Variants in PLCB1 observed in about 807,000 individuals in gnomAD.
PLCB1 encodes phospholipase C beta 1, also known as 1-phosphatidylinositol 4,5-bisphosphate phosphodiesterase beta-1.
A neutral mutation model predicts 161.8 loss-of-function variants in PLCB1; 46 were observed. The observed-to-expected ratio is 0.28, with a 90% CI of 0.22 to 0.36. The LOEUF (loss-of-function observed/expected upper bound fraction) is 0.36. Among genes scored for constraint, PLCB1 ranks in the 10% least tolerant of loss-of-function variants. The pLI, the probability that PLCB1 is intolerant of heterozygous loss-of-function variation, is 1.00. For synonymous variants in PLCB1, 517 were observed against 503.7 expected, an observed-to-expected ratio of 1.03 and a Z score of -0.35; for missense variants, 1,016 against 1,472.5, an observed-to-expected ratio of 0.69 and a Z score of 5.07.
intron 2 of PLCB1, among the ~76,000 whole-genome samples, chr20:8,307,398 C>T (rs1403158049): frequency 1.3e-5 from 2 of 152,180 alleles, no homozygotes; most frequent in African/African-American, 4.8e-5. Flanking sequence ...AATAATTGAA[C>T]AATCCATTGA....
chr20:8,512,702 G>A (rs1983939922), intron 3 of PLCB1, among the ~76,000 whole-genome samples: 1 of 152,012 alleles, frequency 6.6e-6, no homozygotes, highest in Admixed American at 6.6e-5. Flanking sequence ...GTACCCCAAT[G>A]TACAATATGG....
intron 16 of PLCB1, among the ~76,000 whole-genome samples, chr20:8,725,075 C>A (rs1036731276): frequency 2.6e-5 from 4 of 152,064 alleles, no homozygotes; most frequent in Non-Finnish European, 4.4e-5. Flanking sequence ...TTTTTGTTCG[C>A]AACACACAGT....
intron 1 of PLCB1, among the ~76,000 whole-genome samples, chr20:8,146,152 A>T (rs1444712821): frequency 2.0e-5 from 3 of 151,692 alleles, no homozygotes; most frequent in African/African-American, 7.3e-5. Flanking sequence ...ACAGCATATA[A>T]ACAGATATTC....
At chr20:8,838,726 G>A (rs1986385572) in intron 31 of PLCB1, among the ~76,000 whole-genome samples, 1 of 143,672 alleles carries the variant, frequency 7.0e-6, no homozygotes, top group African/African-American at 2.6e-5. Context: ...GGGCTGGTGA[G>A]TCTCACTATA....
intron 3 of PLCB1, among the ~76,000 whole-genome samples, chr20:8,459,684 G>A (rs1294991314): frequency 1.3e-5 from 2 of 152,184 alleles, no homozygotes; most frequent in Non-Finnish European, 2.9e-5. Flanking sequence ...CAAACCTCAA[G>A]TGACTTCAGG....
At chr20:8,215,100 G>C (rs1233750141) in intron 2 of PLCB1, among the ~76,000 whole-genome samples, 2 of 152,054 alleles carry the variant, frequency 1.3e-5, no homozygotes, top group Non-Finnish European at 2.9e-5. Flanking sequence ...GAAGCTGTGT[G>C]TTTACCATGT....
intron 3 of PLCB1, among the ~76,000 whole-genome samples, chr20:8,540,168 CTTTT>C (rs1311685288): frequency 6.6e-6 from 1 of 152,016 alleles, no homozygotes; most frequent in African/African-American, 2.4e-5. Flanking sequence ...GTTTGCATCA[CTTTT>C]TTTTCATTTA....
chr20:8,309,696 G>A lies in PLCB1; in HGVS notation c.178-61686G>A, dbSNP rs148887226. 3.6e-3 allele frequency among the ~76,000 whole-genome samples: 541 copies of A among 152,226 alleles called. 1 individual carries two copies. The highest frequency in any genetic ancestry group is 3.7e-3 in the Non-Finnish European group (250 of 68,022). On this transcript the variant is annotated intron_variant, in intron 2 of 31. Transcript: ENST00000338037. ...AATTCCGTTGACAGCAGTTTTCTTC[G>A]GGCTTTGATTCATAGCTCATCTGCT...
chr20:8,424,622 C>T (rs1979672059), intron 3 of PLCB1, among the ~76,000 whole-genome samples: 1 of 152,086 alleles, frequency 6.6e-6, no homozygotes, highest in African/African-American at 2.4e-5. Flanking sequence ...TCCCCAATAT[C>T]ATTTCTACAG....
intron 2 of PLCB1, chr20:8,305,965 T>A (rs1984116227): frequency 6.6e-6 from 1 of 152,120 alleles, no homozygotes; most frequent in Admixed American, 6.6e-5. Flanking sequence ...GGTATCCTCA[T>A]GATTGGGAGC....
At position 8,221,031 on chromosome 20, in the gene PLCB1, C is replaced by T. The variant is rs1979380096; in HGVS notation, c.177+70660C>T. On this transcript the variant is annotated intron_variant, in intron 2 of 31. Transcript: ENST00000338037. ...AAGTTGGAAATCTTCCACTTCCCACCTGTAAACTCCAAGTGATGATAGCCA... is the reference window on the plus strand; with the variant it reads ...AAGTTGGAAATCTTCCACTTCCCACTTGTAAACTCCAAGTGATGATAGCCA... Among the ~76,000 whole-genome samples the T allele has an allele frequency of 2.0e-5, 3 of 152,152 alleles. No homozygotes were observed. In the South Asian group the frequency reaches 6.2e-4, roughly 31 times the overall value.
rs865928262 is a variant in PLCB1, at chr20:8,818,580, T to A, written c.3423+28319T>A. Among the ~76,000 whole-genome samples, 12 of 152,330 alleles carry A rather than the reference T, an allele frequency of 7.9e-5. No individual in the cohort carries two copies. In the Middle Eastern group the frequency reaches 0.01, roughly 130 times the overall value. On this transcript the variant is annotated intron_variant, in intron 31 of 31. Transcript: ENST00000338037. ...TTAGCAAATATGCTGAATATAAAAT[T>A]AATTTATAAAAATCCATTTCATTTC...
intron 3 of PLCB1, among the ~76,000 whole-genome samples, chr20:8,555,969 T>C (rs1985938782): frequency 1.6e-5 from 2 of 125,602 alleles, no homozygotes; most frequent in South Asian, 4.8e-4. Context: ...AAGAGACACT[T>C]AGTCAGAAAT....
intron 31 of PLCB1, among the ~76,000 whole-genome samples, chr20:8,881,328 CGTGTGTGTGTGTGTGT>C (rs3222517): frequency 7.8e-6 from 1 of 128,860 alleles, no homozygotes; most frequent in South Asian, 2.4e-4. Context: ...TCAAAAGACC[CGTGTGTGTGTGTGTGT>C]GTGTGTGTGT....
At chr20:8,595,243 C>G (rs1037913179) in intron 3 of PLCB1, among the ~76,000 whole-genome samples, 8 of 87,326 alleles carry the variant, frequency 9.2e-5, no homozygotes, top group African/African-American at 2.7e-4. Flanking sequence ...AGTGCTATCC[C>G]TCCCCCCTCC....
At chr20:8,413,306 C>T (rs769281674) in intron 3 of PLCB1, among the ~76,000 whole-genome samples, 11 of 152,150 alleles carry the variant, frequency 7.2e-5, no homozygotes, top group Admixed American at 3.3e-4. Context: ...GTTTCCCTTT[C>T]GTTGACAAAG....
chr20:8,508,911 T>C (rs540372400), intron 3 of PLCB1, among the ~76,000 whole-genome samples: 2 of 152,126 alleles, frequency 1.3e-5, no homozygotes, highest in Non-Finnish European at 2.9e-5. Flanking sequence ...ATTTTACTAC[T>C]GACATAAAGA....
intron 3 of PLCB1, among the ~76,000 whole-genome samples, chr20:8,543,449 G>A (rs2122965491): frequency 6.6e-6 from 1 of 152,148 alleles, no homozygotes. Context: ...TGGCGGCCTG[G>A]CAACAGGGGA....
intron 2 of PLCB1, among the ~76,000 whole-genome samples, chr20:8,363,045 T>C (rs1038379749): frequency 2.6e-5 from 4 of 152,144 alleles, no homozygotes; most frequent in East Asian, 1.9e-4. Context: ...TTTGGGCACA[T>C]TCAATAATGG....
Sources: allele counts gnomAD v4.1 joint callset (sites outside exome capture counted in the v4.1 genomes callset), GRCh38; gene constraint gnomAD v4.1.1; transcripts MANE v1.5; gene names NCBI Gene and HGNC (gene_info 2026-07-23, HGNC 2026-07-21).